Variants in PTPRT observed in about 807,000 individuals in gnomAD.
PTPRT encodes the protein receptor-type tyrosine-protein phosphatase T.
Under a neutral mutation model 176.8 loss-of-function variants are expected in PTPRT, and 56 were observed. The ratio of observed to expected loss-of-function variants is 0.32; its 90% CI spans 0.26 to 0.40. The LOEUF (loss-of-function observed/expected upper bound fraction) is 0.40. Among genes scored for constraint, PTPRT ranks in the 10% least tolerant of loss-of-function variants. PTPRT has a pLI of 1.00. For missense variants in PTPRT, 1,540 were observed against 1,908.2 expected, an observed-to-expected ratio of 0.81 and a Z score of 3.60; for synonymous variants, 783 against 739.0, an observed-to-expected ratio of 1.06 and a Z score of -0.96.
At chr20:42,283,053 C>T (rs949823636) in intron 12 of PTPRT, among the ~76,000 whole-genome samples, 1 of 152,102 alleles carries the variant, frequency 6.6e-6, no homozygotes, top group Non-Finnish European at 1.5e-5. Context: ...TTCCCCTGAG[C>T]TCTTGTGTGG....
At chr20:42,443,068 T>C (rs75804759) in intron 9 of PTPRT, among the ~76,000 whole-genome samples, 3,062 of 152,308 alleles carry the variant, frequency 0.02, 116 homozygotes, top group African/African-American at 0.071. Flanking sequence ...ATTTCCATAT[T>C]CCTGATGTAA....
chr20:43,154,812 G>T (rs997812512), intron 1 of PTPRT, among the ~76,000 whole-genome samples: 27 of 152,028 alleles, frequency 1.8e-4, no homozygotes, highest in African/African-American at 6.3e-4. Context: ...TCTGATAAGG[G>T]GTTAATATTC....
intron 1 of PTPRT, among the ~76,000 whole-genome samples, chr20:42,924,439 C>T (rs1018114484): frequency 6.6e-6 from 1 of 152,156 alleles, no homozygotes; most frequent in Non-Finnish European, 1.5e-5. Context: ...GCATTGTGAA[C>T]CTCGGGAAGA....
intron 15 of PTPRT, among the ~76,000 whole-genome samples, chr20:42,225,430 A>G (rs922593200): frequency 3.3e-5 from 5 of 152,194 alleles, no homozygotes; most frequent in Non-Finnish European, 4.4e-5. Flanking sequence ...ACTGAACCTC[A>G]GAGGGTTTAG....
chr20:42,055,347 T>C, the PTPRT span, among the ~76,000 whole-genome samples: 1 of 152,240 alleles, frequency 6.6e-6, no homozygotes, highest in South Asian at 2.1e-4. Context: ...AACTCATGCA[T>C]TCTTTTGATG....
rs3091760 is a variant in PTPRT at position 42,677,848 on chromosome 20, G to GAAAA, written c.1153+14_1153+17dup. ...CACAGCCTCTCATAATGGAGCCTGG[G>GAAAA]AAAAAAAAAAATCTTACCTGCACAC... On this transcript the variant is annotated intron_variant, in intron 7 of 30. Coordinates refer to ENST00000373187, the MANE Select transcript of PTPRT (RefSeq NM_007050.6). The GAAAA allele has an allele frequency of 7.4e-6, 11 of 1,483,976 alleles. No homozygotes were observed. Among genetic ancestry groups the GAAAA allele is most frequent in the South Asian group, 6.3e-5 (5 of 79,864 alleles). The allele number at this position is 1,483,976 out of a possible 1,614,324, so 91.9% of individuals were successfully genotyped here.
intron 15 of PTPRT, among the ~76,000 whole-genome samples, chr20:42,218,300 AT>A (rs2055816973): frequency 6.6e-6 from 1 of 152,266 alleles, no homozygotes; most frequent in Non-Finnish European, 1.5e-5. Flanking sequence ...GATTACAACG[AT>A]GAAGAAGTAT....
chr20:42,875,088 C>T (rs2078908893), intron 2 of PTPRT, among the ~76,000 whole-genome samples: 1 of 152,148 alleles, frequency 6.6e-6, no homozygotes, highest in Non-Finnish European at 1.5e-5. Flanking sequence ...CTTCCCATTA[C>T]ACCATTTGGA....
intron 1 of PTPRT, among the ~76,000 whole-genome samples, chr20:43,095,487 G>A (rs905038490): frequency 1.3e-5 from 2 of 152,102 alleles, no homozygotes; most frequent in South Asian, 4.2e-4. Context: ...AAACCAGAAG[G>A]CCCCATGTGG....
At position 42,643,546 on chromosome 20, in the gene PTPRT, G is replaced by A. The variant is rs7264801; in HGVS notation, c.1153+34320C>T. ...TGCCCATGCTGGTCTCAAGCTCCTG[G>A]GCTCAAGCAATCCTCCCAACTTGGC... On this transcript the variant is annotated intron_variant, in intron 7 of 30. Coordinates refer to ENST00000373187, the MANE Select transcript of PTPRT (RefSeq NM_007050.6). 4.5e-3 allele frequency among the ~76,000 whole-genome samples: 674 copies of A among 151,154 alleles called. 14 individuals carry two copies. Among genetic ancestry groups the A allele is most frequent in the African/African-American group, 0.016 (631 of 40,642 alleles).
the PTPRT span, chr20:42,063,357 C>G: frequency 6.6e-6 from 1 of 152,246 alleles, no homozygotes; most frequent in Non-Finnish European, 1.5e-5. Context: ...TTACTTATCT[C>G]TGGGGAACTG....
At chr20:42,709,348 G>A (rs774617809) in intron 6 of PTPRT, among the ~76,000 whole-genome samples, 5 of 152,186 alleles carry the variant, frequency 3.3e-5, no homozygotes, top group Non-Finnish European at 7.4e-5. Flanking sequence ...GATCCATCAC[G>A]AATGGCTTGA....
At chr20:42,307,139 T>C (rs896856658) in intron 12 of PTPRT, among the ~76,000 whole-genome samples, 28 of 152,332 alleles carry the variant, frequency 1.8e-4, no homozygotes, top group African/African-American at 6.3e-4. Flanking sequence ...CCAGTTCTCC[T>C]AGGCATATAG....
chr20:42,504,276 G>A (rs182423262), intron 7 of PTPRT, among the ~76,000 whole-genome samples: 7 of 151,808 alleles, frequency 4.6e-5, no homozygotes. Context: ...TTCATTTATT[G>A]TTCAATTAAT....
intron 19 of PTPRT, 57 bp downstream of exon 19, chr20:42,128,697 A>G: frequency 6.9e-7 from 1 of 1,450,198 alleles, no homozygotes; most frequent in Non-Finnish European, 9.3e-7. Context: ...GGGGTAAACC[A>G]CAGATCTTGA....
intron 9 of PTPRT, among the ~76,000 whole-genome samples, chr20:42,395,904 A>G (rs958381588): frequency 6.6e-6 from 1 of 152,070 alleles, no homozygotes; most frequent in African/African-American, 2.4e-5. Context: ...AAGGGTCCCA[A>G]AGCTTAGCAC....
intron 2 of PTPRT, among the ~76,000 whole-genome samples, chr20:42,825,893 G>C (rs1209295941): frequency 6.6e-6 from 1 of 151,968 alleles, no homozygotes; most frequent in East Asian, 1.9e-4. Flanking sequence ...AGTACCAAAA[G>C]GACCCAGAAA....
chr20:42,578,095 GTTGA>G (rs945553491), intron 7 of PTPRT, among the ~76,000 whole-genome samples: 1 of 152,084 alleles, frequency 6.6e-6, no homozygotes, highest in Non-Finnish European at 1.5e-5. Context: ...AAACTGAATG[GTTGA>G]TTGTGTCAAC....
intron 27 of PTPRT, among the ~76,000 whole-genome samples, chr20:42,091,535 T>G (rs1372388951): frequency 1.3e-5 from 2 of 152,198 alleles, no homozygotes; most frequent in Non-Finnish European, 2.9e-5. Context: ...ATAAAGGACT[T>G]TATTTATTAA....
Sources: gnomAD v4.1 joint callset for allele counts (sites outside exome capture counted in the v4.1 genomes callset) on GRCh38, gnomAD v4.1.1 for gene constraint, MANE v1.5 for transcripts, NCBI Gene and HGNC (gene_info 2026-07-23, HGNC 2026-07-21) for gene names.